The following TOP6BL variants were observed in gnomAD, a reference collection of about 807,000 sequenced individuals.
TOP6BL encodes TOP6B like initiator of meiotic double strand breaks, also known as type 2 DNA topoisomerase 6 subunit B-like.
At chr11:66,790,544 CTT>C in the TOP6BL span, among the ~76,000 whole-genome samples, 4 of 152,168 alleles carry the variant, frequency 2.6e-5, no homozygotes, top group East Asian at 3.8e-4. Context: ...TAAAGTTTCT[CTT>C]ATTTCTTTAT....
chr11:66,839,135 T>C, the TOP6BL span: 5 of 456,284 alleles, frequency 1.1e-5, no homozygotes, highest in East Asian at 3.5e-4. Context: ...CCTGCAGTGC[T>C]TAAACAGCCT....
the TOP6BL span, chr11:66,756,388 A>G: frequency 3.4e-6 from 4 of 1,169,332 alleles, no homozygotes; most frequent in Non-Finnish European, 4.4e-6. Flanking sequence ...GCCGGAGTGC[A>G]GTGGCGCAGT....
At chr11:66,744,904 C>T in the TOP6BL span, 2 of 1,266,304 alleles carry the variant, frequency 1.6e-6, no homozygotes, top group African/African-American at 1.6e-5. Flanking sequence ...AGGGGACGGC[C>T]GTGGCCGTGT....
At chr11:66,797,923 A>G in the TOP6BL span, among the ~76,000 whole-genome samples, 1 of 152,228 alleles carries the variant, frequency 6.6e-6, no homozygotes. Context: ...CCCTTCTGCC[A>G]TCTTCCTACT....
the TOP6BL span, among the ~76,000 whole-genome samples, chr11:66,775,048 G>A: frequency 1.5e-4 from 22 of 148,878 alleles, no homozygotes; most frequent in African/African-American, 4.9e-4. Context: ...AGGAGGCAGA[G>A]GTTGCAGTGA....
chr11:66,779,764 A>G, the TOP6BL span, among the ~76,000 whole-genome samples: 54 of 152,322 alleles, frequency 3.5e-4, no homozygotes, highest in African/African-American at 1.1e-3. Flanking sequence ...AACCAACCCA[A>G]ATGTCCAACA....
At chr11:66,773,070 GTCTC>G in the TOP6BL span, among the ~76,000 whole-genome samples, 60 of 149,942 alleles carry the variant, frequency 4.0e-4, no homozygotes, top group South Asian at 1.3e-3. Context: ...TAATTATACA[GTCTC>G]TCTCTCTCTC....
At chr11:66,800,228 A>G in the TOP6BL span, among the ~76,000 whole-genome samples, 1 of 152,210 alleles carries the variant, frequency 6.6e-6, no homozygotes, top group African/African-American at 2.4e-5. Flanking sequence ...AGAGGCTGGG[A>G]GTGGGTTAAG....
the TOP6BL span, among the ~76,000 whole-genome samples, chr11:66,769,898 G>A: frequency 4.2e-4 from 64 of 151,354 alleles, 3 homozygotes; most frequent in South Asian, 0.013. Flanking sequence ...CCACCACCAC[G>A]CCCGGCTAAT....
At chr11:66,771,499 C>T in the TOP6BL span, 2 of 152,752 alleles carry the variant, frequency 1.3e-5, no homozygotes, top group Non-Finnish European at 2.9e-5. Context: ...AAGAGATCCT[C>T]TGCACCCTTA....
At chr11:66,762,513 A>G in the TOP6BL span, 1 of 229,128 alleles carries the variant, frequency 4.4e-6, no homozygotes, top group South Asian at 5.1e-5. Context: ...TCTGTCGCCC[A>G]GGCTAGAGAG....
the TOP6BL span, among the ~76,000 whole-genome samples, chr11:66,746,162 G>A: frequency 6.6e-6 from 1 of 152,146 alleles, no homozygotes; most frequent in African/African-American, 2.4e-5. Flanking sequence ...GACTCTACAC[G>A]TACCTGGAAA....
At chr11:66,798,060 G>A in the TOP6BL span, among the ~76,000 whole-genome samples, 1 of 152,100 alleles carries the variant, frequency 6.6e-6, no homozygotes, top group Non-Finnish European at 1.5e-5. Flanking sequence ...GAAAACTATG[G>A]TACAGAGAGT....
At chr11:66,801,223 A>G in the TOP6BL span, 69 of 1,024,172 alleles carry the variant, frequency 6.7e-5, no homozygotes, top group African/African-American at 1.0e-3. Flanking sequence ...CAGCTTCTCT[A>G]TAAGAAAAGC....
chr11:66,827,549 C>T, the TOP6BL span, among the ~76,000 whole-genome samples: 1 of 151,810 alleles, frequency 6.6e-6, no homozygotes, highest in African/African-American at 2.4e-5. Context: ...AAAAAAAAGT[C>T]TCATATCAGC....
the TOP6BL span, chr11:66,744,861 C>A: frequency 3.8e-6 from 5 of 1,312,730 alleles, no homozygotes; most frequent in Admixed American, 1.1e-4. Flanking sequence ...TACCCTTCGA[C>A]TGGGCGTTGC....
At chr11:66,761,528 CT>C in the TOP6BL span, 139 of 920,392 alleles carry the variant, frequency 1.5e-4, 5 homozygotes, top group South Asian at 2.9e-3. Context: ...GATTTGTTCA[CT>C]GGCCAAAGCC....
the TOP6BL span, chr11:66,838,561 A>G: frequency 3.3e-6 from 3 of 907,012 alleles, no homozygotes; most frequent in Non-Finnish European, 5.1e-6. Context: ...TCCTTCTGCA[A>G]TTTAGTGGGC....
chr11:66,755,216 G>T, the TOP6BL span, among the ~76,000 whole-genome samples: 1 of 152,010 alleles, frequency 6.6e-6, no homozygotes, highest in African/African-American at 2.4e-5. Context: ...CGCCTCCTGG[G>T]TTCAAGAGGT....
Sources: gnomAD v4.1 joint callset for allele counts (sites outside exome capture counted in the v4.1 genomes callset) on GRCh38, gnomAD v4.1.1 for gene constraint, MANE v1.5 for transcripts, NCBI Gene and HGNC (gene_info 2026-07-23, HGNC 2026-07-21) for gene names.